The following EEA1 variants were observed in gnomAD, a reference collection of about 807,000 sequenced individuals.
EEA1 encodes the protein early endosome antigen 1, also known as early endosome antigen 1, 162kD.
EEA1 carries 111 observed loss-of-function variants against 209.2 expected under a neutral mutation model. The ratio of observed to expected loss-of-function variants is 0.53; its 90% confidence interval spans 0.45 to 0.62. The LOEUF (loss-of-function observed/expected upper bound fraction) is 0.62. EEA1 is among the 20% of genes least tolerant of loss of function. EEA1 has a pLI of 0.00. For missense variants in EEA1, 1,343 were observed against 1,530.8 expected (o/e 0.88, Z 2.05); for synonymous variants, 536 against 540.6 (o/e 0.99, Z 0.12).
intron 10 of EEA1, among the ~76,000 whole-genome samples, chr12:92,836,644 T>C (rs1565828685): frequency 6.6e-6 from 1 of 152,198 alleles, no homozygotes. Flanking sequence ...TTTGTACACC[T>C]AGCTCTCAAA....
chr12:92,847,686 G>A (rs1443854358), intron 9 of EEA1, among the ~76,000 whole-genome samples: 1 of 152,088 alleles, frequency 6.6e-6, no homozygotes, highest in East Asian at 1.9e-4. Flanking sequence ...CCTAAATTAG[G>A]AGACAACATA....
At position 92,811,501 on chromosome 12, in the gene EEA1, A is replaced by G. The variant is rs113261015; in HGVS notation, c.2044-67T>C. On this transcript the variant is annotated intron_variant, in intron 16 of 28. Transcript: ENST00000322349. ...CTATATTGTAGTGGCCAAATGTTCAACGTAAAATTGAAAACTCTAATTTTA... is the reference window on the plus strand; with the variant it reads ...CTATATTGTAGTGGCCAAATGTTCAGCGTAAAATTGAAAACTCTAATTTTA... The G allele has an allele frequency of 8.5e-4, 929 of 1,092,154 alleles. 6 individuals are homozygous for G. In the African/African-American group the frequency reaches 0.013, roughly 16 times the overall value. 67.7% of individuals were successfully genotyped at this position (1,092,154 alleles called of 1,614,324 possible).
At chr12:92,866,408 T>C (rs1351446159) in intron 2 of EEA1, among the ~76,000 whole-genome samples, 2 of 152,054 alleles carry the variant, frequency 1.3e-5, no homozygotes, top group African/African-American at 2.4e-5. Flanking sequence ...GGAATGTGTG[T>C]GGCAGTGGTG....
intron 1 of EEA1, among the ~76,000 whole-genome samples, chr12:92,910,383 C>T (rs539540948): frequency 2.0e-5 from 3 of 151,400 alleles, no homozygotes; most frequent in East Asian, 1.9e-4. Context: ...GCAGGAGAAT[C>T]GCTTGAACTC....
intron 19 of EEA1, 49 bp downstream of exon 19, chr12:92,802,355 T>TA: frequency 6.8e-7 from 1 of 1,472,582 alleles, no homozygotes; most frequent in Non-Finnish European, 9.1e-7. Context: ...CAGTACATTT[T>TA]AAATAAAATA....
intron 1 of EEA1, among the ~76,000 whole-genome samples, chr12:92,904,505 T>C (rs1880286904): frequency 6.6e-6 from 1 of 152,190 alleles, no homozygotes. Context: ...TCTGACACTA[T>C]CTGGAATTAG....
intron 2 of EEA1, among the ~76,000 whole-genome samples, chr12:92,888,594 A>AC (rs1491222785): frequency 6.9e-6 from 1 of 145,268 alleles, no homozygotes; most frequent in Non-Finnish European, 1.5e-5. Context: ...AAACAAACAA[A>AC]CAAAAAAAAA....
chr12:92,781,879 G>T (rs1873918223), intron 23 of EEA1, 71 bp downstream of exon 23: 2 of 1,406,236 alleles, frequency 1.4e-6, no homozygotes, highest in South Asian at 3.0e-5. Flanking sequence ...CTAAATAAGA[G>T]GTTTGACTGG....
chr12:92,811,568 G>T, intron 16 of EEA1, 134 bp from the exon 17 acceptor site: 3 of 521,764 alleles, frequency 5.7e-6, no homozygotes, highest in Non-Finnish European at 9.0e-6. Context: ...TAAATCTAAT[G>T]ATATATCAGA....
intron 3 of EEA1, chr12:92,858,789 C>T: frequency 1.3e-6 from 1 of 785,272 alleles, no homozygotes; most frequent in Non-Finnish European, 2.3e-6. Context: ...CTGCAAAATA[C>T]CTTGATGAGG....
chr12:92,877,899 C>T (rs1303825811), intron 2 of EEA1, among the ~76,000 whole-genome samples: 1 of 152,152 alleles, frequency 6.6e-6, no homozygotes, highest in Non-Finnish European at 1.5e-5. Flanking sequence ...TAATAGGAAG[C>T]CAATGAATTT....
chr12:92,857,378 A>G (rs1370543398), intron 4 of EEA1, 38 bp from the exon 5 acceptor site: 1 of 1,560,242 alleles, frequency 6.4e-7, no homozygotes, highest in East Asian at 2.3e-5. Flanking sequence ...ATTTAAAAAG[A>G]GGTATTATCT....
rs1455168018 is a variant in EEA1, at chr12:92,779,109, A to G, written c.3654+6T>C. 3 of 1,594,618 alleles carry G rather than the reference A, an allele frequency of 1.9e-6. No homozygotes were observed. The highest frequency in any genetic ancestry group is 2.3e-5 in the South Asian group (2 of 86,924). On this transcript the variant is annotated splice_donor_region_variant and intron_variant, in intron 25 of 28. Transcript: ENST00000322349. ...AAAACACACTTCCCCCGATTAACTC[A>G]CTGACCAACTTAGCTTCTTTCTCAA...
chr12:92,890,755 G>A (rs1879627348), intron 2 of EEA1, among the ~76,000 whole-genome samples: 1 of 152,168 alleles, frequency 6.6e-6, no homozygotes, highest in Non-Finnish European at 1.5e-5. Flanking sequence ...TCGCAAATCT[G>A]TAAAATCTTA....
chr12:92,806,281 G>C (rs937015883), intron 18 of EEA1, among the ~76,000 whole-genome samples: 4 of 151,980 alleles, frequency 2.6e-5, no homozygotes, highest in African/African-American at 9.7e-5. Flanking sequence ...TTTTTAAAAA[G>C]ACAAATTAGC....
At position 92,805,246 on chromosome 12, in the gene EEA1, C is replaced by T. The variant is rs555534168; in HGVS notation, c.2340-2512G>A. 3.9e-5 allele frequency among the ~76,000 whole-genome samples: 6 copies of T among 152,156 alleles called. No homozygotes were observed. In the South Asian group the frequency reaches 6.2e-4, roughly 16 times the overall value. Reference sequence around the variant, plus strand: ...CAAATACCTAGGCACTGGAAACTACCGTGAGGAGGAATGCCACCTGAGGCA... The same window carrying T: ...CAAATACCTAGGCACTGGAAACTACTGTGAGGAGGAATGCCACCTGAGGCA... On this transcript the variant is annotated intron_variant, in intron 18 of 28. Coordinates refer to ENST00000322349, the MANE Select transcript of EEA1 (RefSeq NM_003566.4).
At chr12:92,819,660 T>G (rs964111232) in intron 13 of EEA1, 149 bp from the exon 14 acceptor site, 13 of 525,792 alleles carry the variant, frequency 2.5e-5, no homozygotes, top group African/African-American at 2.1e-4. Flanking sequence ...TAAATTTAGT[T>G]AAGTACTTAG....
At chr12:92,844,372 T>C (rs1388505626) in intron 9 of EEA1, among the ~76,000 whole-genome samples, 2 of 152,152 alleles carry the variant, frequency 1.3e-5, no homozygotes, top group Non-Finnish European at 2.9e-5. Flanking sequence ...CAAATTCTGA[T>C]GCAATGAAAG....
At chr12:92,859,652 T>A (rs1459330427) in intron 3 of EEA1, among the ~76,000 whole-genome samples, 1 of 152,146 alleles carries the variant, frequency 6.6e-6, no homozygotes, top group Admixed American at 6.5e-5. Context: ...AACAACACTG[T>A]AGTAAATAAT....
Sources: gnomAD v4.1 joint callset for allele counts (sites outside exome capture counted in the v4.1 genomes callset) on GRCh38, gnomAD v4.1.1 for gene constraint, MANE v1.5 for transcripts, NCBI Gene and HGNC (gene_info 2026-07-23, HGNC 2026-07-21) for gene names.